The following CADM2 variants were observed in gnomAD, a reference collection of about 807,000 sequenced individuals.
CADM2 encodes the protein immunoglobulin superfamily member 4D.
A neutral mutation model predicts 49.8 loss-of-function variants in CADM2; 12 were observed. That is an observed-to-expected ratio of 0.24 (90% CI 0.15 to 0.39). The LOEUF is 0.39. Among genes scored for constraint, CADM2 ranks in the 10% least tolerant of loss-of-function variants. CADM2 has a pLI of 1.00. For synonymous variants in CADM2, 214 were observed against 175.4 expected (o/e 1.22, Z -1.74); for missense variants, 378 against 492.3 (o/e 0.77, Z 2.20).
intron 1 of CADM2, among the ~76,000 whole-genome samples, chr3:85,116,543 A>T (rs2107580793): frequency 6.6e-6 from 1 of 152,336 alleles, no homozygotes; most frequent in South Asian, 2.1e-4. Context: ...TAGTGAAAGA[A>T]TTGAACACGT....
intron 1 of CADM2, among the ~76,000 whole-genome samples, chr3:85,076,311 G>GTGTGTGTA (rs2036940528): frequency 6.6e-6 from 1 of 150,570 alleles, no homozygotes; most frequent in Admixed American, 6.6e-5. Flanking sequence ...AATTGTGTGT[G>GTGTGTGTA]TGTGTGTGTG....
At chr3:84,983,869 G>A (rs1243504609) in intron 1 of CADM2, among the ~76,000 whole-genome samples, 2 of 152,064 alleles carry the variant, frequency 1.3e-5, no homozygotes, top group Non-Finnish European at 2.9e-5. Context: ...TTAGCTGCAT[G>A]ATGATGAACT....
At chr3:85,532,045 C>T (rs1395360157) in intron 1 of CADM2, among the ~76,000 whole-genome samples, 2 of 152,064 alleles carry the variant, frequency 1.3e-5, no homozygotes, top group African/African-American at 2.4e-5. Context: ...GGCGTGGTGG[C>T]GGGAGCCTGT....
At chr3:85,529,406 G>A (rs1039331324) in intron 1 of CADM2, among the ~76,000 whole-genome samples, 9 of 152,298 alleles carry the variant, frequency 5.9e-5, no homozygotes, top group Admixed American at 4.6e-4. Context: ...AGCAGAGACA[G>A]CTGCCAGTCT....
chr3:84,997,508 GA>G (rs2033241142), intron 1 of CADM2, among the ~76,000 whole-genome samples: 1 of 151,776 alleles, frequency 6.6e-6, no homozygotes, highest in Non-Finnish European at 1.5e-5. Context: ...TGTGAATTTT[GA>G]GAAAAATGTT....
chr3:85,567,319 A>T (rs2062295268), intron 1 of CADM2, among the ~76,000 whole-genome samples: 1 of 152,150 alleles, frequency 6.6e-6, no homozygotes. Flanking sequence ...TTACTGCCTT[A>T]CTTTTCCATG....
At chr3:84,996,873 A>G (rs1426010688) in intron 1 of CADM2, among the ~76,000 whole-genome samples, 1 of 152,148 alleles carries the variant, frequency 6.6e-6, no homozygotes, top group East Asian at 1.9e-4. Flanking sequence ...AAGTTGAATT[A>G]ATTGAGAATG....
chr3:85,644,287 C>A (rs924445819), intron 1 of CADM2, among the ~76,000 whole-genome samples: 2 of 152,082 alleles, frequency 1.3e-5, no homozygotes, highest in South Asian at 4.1e-4. Flanking sequence ...GCATCCATTG[C>A]TCTTCTTAGA....
intron 1 of CADM2, among the ~76,000 whole-genome samples, chr3:85,718,125 C>G (rs1185892745): frequency 6.6e-6 from 1 of 152,068 alleles, no homozygotes; most frequent in Non-Finnish European, 1.5e-5. Context: ...TAATAGTGTT[C>G]ATGTCATTGG....
intron 1 of CADM2, among the ~76,000 whole-genome samples, chr3:85,177,707 C>A (rs554776867): frequency 6.6e-6 from 1 of 151,782 alleles, no homozygotes; most frequent in South Asian, 2.1e-4. Context: ...AGTAAAATAA[C>A]CCAAGGTAAA....
At chr3:85,628,659 A>T (rs563994349) in intron 1 of CADM2, among the ~76,000 whole-genome samples, 113 of 148,270 alleles carry the variant, frequency 7.6e-4, no homozygotes, top group African/African-American at 2.6e-3. Flanking sequence ...ACACATATGT[A>T]TATGTGTATA....
intron 1 of CADM2, among the ~76,000 whole-genome samples, chr3:85,254,882 G>C (rs941864949): frequency 3.3e-5 from 5 of 152,068 alleles, no homozygotes; most frequent in African/African-American, 1.2e-4. Context: ...TCTCTCTCCA[G>C]TGCTTCCCGT....
chr3:85,075,535 T>G (rs1018343768), intron 1 of CADM2, among the ~76,000 whole-genome samples: 1 of 152,104 alleles, frequency 6.6e-6, no homozygotes, highest in African/African-American at 2.4e-5. Context: ...GAAAAACTAT[T>G]GGAGGGGTAT....
In CADM2 at chr3:85,212,812, CTCTTTCTTTCTTTCTTTCTTTCTT is replaced by C. The variant is rs61255712; in HGVS notation, c.61+253196_61+253219del. 1.7e-3 allele frequency among the ~76,000 whole-genome samples: 176 copies of C among 102,642 alleles called. 5 individuals are homozygous for C. Among genetic ancestry groups the C allele is most frequent in the Admixed American group, 3.8e-3 (39 of 10,306 alleles). The allele number at this position is 102,642 out of a possible 152,430, so 67.3% of individuals were successfully genotyped here. A position where few individuals can be genotyped will look rare whatever the true frequency, so the allele number is the denominator to read the frequency against. ...CTTCAGATATTTTCTTCTTTTTCTT[CTCTTTCTTTCTTTCTTTCTTTCTT>C]TCTTTCTTTCTTTCTTTCTTTCTTT... On this transcript the variant is annotated intron_variant, in intron 1 of 9. Transcript: ENST00000383699.
At chr3:85,645,316 C>G (rs890230758) in intron 1 of CADM2, among the ~76,000 whole-genome samples, 4 of 151,892 alleles carry the variant, frequency 2.6e-5, no homozygotes, top group African/African-American at 9.7e-5. Flanking sequence ...AAAAGACAAG[C>G]TGCGTTTTAA....
intron 3 of CADM2, among the ~76,000 whole-genome samples, chr3:85,842,430 T>G (rs977080090): frequency 3.3e-5 from 5 of 152,124 alleles, no homozygotes; most frequent in African/African-American, 1.2e-4. Flanking sequence ...CCAGGACAGC[T>G]GCTATTTTTT....
chr3:85,900,013 A>C (rs1715893020), intron 5 of CADM2, among the ~76,000 whole-genome samples: 1 of 151,996 alleles, frequency 6.6e-6, no homozygotes, highest in African/African-American at 2.4e-5. Context: ...TCATCACCTT[A>C]ACTCAAAGAG....
intron 1 of CADM2, among the ~76,000 whole-genome samples, chr3:85,273,365 C>T (rs1395924852): frequency 6.6e-6 from 1 of 151,234 alleles, no homozygotes; most frequent in Admixed American, 6.6e-5. Context: ...TTGACAATAA[C>T]ACTCTGGAAG....
intron 1 of CADM2, among the ~76,000 whole-genome samples, chr3:85,630,326 T>C (rs1364012875): frequency 6.6e-6 from 1 of 151,984 alleles, no homozygotes; most frequent in East Asian, 1.9e-4. Context: ...ATGTATCTTG[T>C]TGCACAGGAA....
Sources: gnomAD v4.1 joint callset for allele counts (sites outside exome capture counted in the v4.1 genomes callset) on GRCh38, gnomAD v4.1.1 for gene constraint, MANE v1.5 for transcripts, NCBI Gene and HGNC (gene_info 2026-07-23, HGNC 2026-07-21) for gene names.